Variants in KIFAP3 observed in about 807,000 individuals in gnomAD.
KIFAP3 encodes the protein kinesin associated protein 3, also known as kinesin-associated protein 3.
Under a neutral mutation model 106.5 loss-of-function variants are expected in KIFAP3, and 68 were observed. The ratio of observed to expected loss-of-function variants is 0.64; its 90% CI spans 0.53 to 0.78. The LOEUF is 0.78. KIFAP3 is among the 30% of genes least tolerant of loss of function. The pLI is 0.00. For missense variants in KIFAP3, 780 were observed against 941.8 expected, an observed-to-expected ratio of 0.83 and a Z score of 2.25; for synonymous variants, 320 against 311.5, an observed-to-expected ratio of 1.03 and a Z score of -0.29.
In KIFAP3 at chr1:170,027,250, C is replaced by T. The variant is rs1487459137; in HGVS notation, c.842-2654G>A. ...GGTCAGGCTGGTCTCGAACTCCTGA[C>T]CCCAGGTGATCTGCCTGCCTTGGCC... On this transcript the variant is annotated intron_variant, in intron 8 of 19. Coordinates refer to ENST00000361580, the MANE Select transcript of KIFAP3 (RefSeq NM_014970.4). Among the ~76,000 whole-genome samples, 3 of 152,104 alleles carry T rather than the reference C, an allele frequency of 2.0e-5. No individual in the cohort carries two copies. In the South Asian group the frequency reaches 6.2e-4, roughly 32 times the overall value.
chr1:169,987,233 T>A (rs562386537), intron 11 of KIFAP3, among the ~76,000 whole-genome samples: 11 of 152,216 alleles, frequency 7.2e-5, no homozygotes, highest in South Asian at 4.1e-4. Flanking sequence ...GTTTTAACTA[T>A]GTCCATTGTC....
chr1:170,059,067 G>A (rs1424166332), intron 1 of KIFAP3, among the ~76,000 whole-genome samples: 1 of 152,068 alleles, frequency 6.6e-6, no homozygotes, highest in East Asian at 1.9e-4. Flanking sequence ...AGAGTAAGCA[G>A]GAAAGATCTA....
chr1:170,080,872 T>C (rs928419003), intron 1 of KIFAP3, among the ~76,000 whole-genome samples: 4 of 152,180 alleles, frequency 2.6e-5, no homozygotes, highest in East Asian at 1.9e-4. Flanking sequence ...CACAAAGATC[T>C]ACTGAAATTT....
intron 2 of KIFAP3, among the ~76,000 whole-genome samples, chr1:170,049,400 G>A (rs1340931168): frequency 6.6e-6 from 1 of 152,222 alleles, no homozygotes; most frequent in Non-Finnish European, 1.5e-5. Context: ...AGCTTCAGCA[G>A]ACTTAATCTT....
At chr1:169,946,400 G>C (rs686519) in intron 19 of KIFAP3, among the ~76,000 whole-genome samples, 138,942 of 152,088 alleles carry the variant, frequency 0.91, 63,497 homozygotes, top group East Asian at 0.99. Flanking sequence ...AGTATGTCAT[G>C]TTGCACAACA....
chr1:169,936,723 C>T lies in KIFAP3; in HGVS notation c.2274-14942G>A, dbSNP rs1289170645. Among the ~76,000 whole-genome samples, 4 of 151,592 alleles carry T rather than the reference C, an allele frequency of 2.6e-5. No individual in the cohort carries two copies. The East Asian group carries it at 7.7e-4, about 29-fold the overall frequency. Reference sequence around the variant, plus strand: ...ACTAGAAGTAAGTCAATGAATGACACACTCCACATAGCATGCTCTTTACAA... The same window carrying T: ...ACTAGAAGTAAGTCAATGAATGACATACTCCACATAGCATGCTCTTTACAA... On this transcript the variant is annotated intron_variant, in intron 19 of 19. Coordinates refer to ENST00000361580, the MANE Select transcript of KIFAP3 (RefSeq NM_014970.4).
chr1:170,055,962 T>C (rs1209023288), intron 1 of KIFAP3, among the ~76,000 whole-genome samples: 1 of 152,070 alleles, frequency 6.6e-6, no homozygotes, highest in Non-Finnish European at 1.5e-5. Flanking sequence ...CGAGACTCTG[T>C]TTCTACAAAA....
chr1:169,987,954 G>C (rs181584479), intron 11 of KIFAP3, among the ~76,000 whole-genome samples: 7 of 152,038 alleles, frequency 4.6e-5, no homozygotes, highest in Admixed American at 3.3e-4. Flanking sequence ...TTATCCTCAA[G>C]TATGCCTACC....
At chr1:169,926,776 AT>A (rs1663164801) in intron 19 of KIFAP3, among the ~76,000 whole-genome samples, 1 of 152,042 alleles carries the variant, frequency 6.6e-6, no homozygotes, top group Non-Finnish European at 1.5e-5. Context: ...TAGGAATTCT[AT>A]TCTTCCCAAG....
At chr1:169,926,605 A>AT (rs1159261480) in intron 19 of KIFAP3, among the ~76,000 whole-genome samples, 2 of 151,946 alleles carry the variant, frequency 1.3e-5, no homozygotes, top group African/African-American at 4.8e-5. Context: ...ACATTGAGTT[A>AT]TATATAGTTA....
chr1:170,065,911 G>A (rs540734532), intron 1 of KIFAP3, among the ~76,000 whole-genome samples: 1 of 152,154 alleles, frequency 6.6e-6, no homozygotes, highest in South Asian at 2.1e-4. Context: ...ATCATTTAAT[G>A]CAATGACTGA....
At chr1:169,930,372 A>C (rs1479600744) in intron 19 of KIFAP3, among the ~76,000 whole-genome samples, 1 of 152,194 alleles carries the variant, frequency 6.6e-6, no homozygotes, top group African/African-American at 2.4e-5. Flanking sequence ...ATAAAATGGG[A>C]TTTCCATTAC....
intron 9 of KIFAP3, 65 bp from the exon 10 acceptor site, chr1:170,016,689 T>C (rs1167568687): frequency 1.0e-6 from 1 of 997,842 alleles, no homozygotes; most frequent in Non-Finnish European, 1.4e-6. Flanking sequence ...AAGAATATAA[T>C]TATTTTTTCT....
chr1:169,926,859 T>G (rs757975534), intron 19 of KIFAP3, among the ~76,000 whole-genome samples: 58 of 152,156 alleles, frequency 3.8e-4, no homozygotes, highest in Non-Finnish European at 1.2e-4. Context: ...GTCTTTGTGA[T>G]CCATCAGGTA....
At chr1:170,001,437 T>C (rs148010290) in intron 10 of KIFAP3, among the ~76,000 whole-genome samples, 2,417 of 152,220 alleles carry the variant, frequency 0.016, 30 homozygotes, top group Non-Finnish European at 0.025. Flanking sequence ...GGAGGAAGCA[T>C]AAATTTTACT....
chr1:170,083,388 C>G (rs1672049862), intron 1 of KIFAP3, among the ~76,000 whole-genome samples: 1 of 152,200 alleles, frequency 6.6e-6, no homozygotes, highest in African/African-American at 2.4e-5. Context: ...TCATTCAGCA[C>G]TTGGACTTGC....
intron 2 of KIFAP3, among the ~76,000 whole-genome samples, chr1:170,053,080 A>C (rs1239265993): frequency 6.6e-6 from 1 of 152,232 alleles, no homozygotes; most frequent in African/African-American, 2.4e-5. Context: ...ACATGATTGT[A>C]TATTTAGAAA....
chr1:170,019,533 A>C (rs546569719), intron 9 of KIFAP3, among the ~76,000 whole-genome samples: 1 of 152,168 alleles, frequency 6.6e-6, no homozygotes, highest in East Asian at 1.9e-4. Context: ...AAGTCAATCA[A>C]TGTAACTCAC....
At chr1:169,961,358 T>C (rs939536828) in intron 17 of KIFAP3, 123 bp from the exon 18 acceptor site, 1 of 640,608 alleles carries the variant, frequency 1.6e-6, no homozygotes, top group Non-Finnish European at 2.7e-6. Context: ...GCACTACAAA[T>C]ACCTGTTCAG....
Sources: allele counts gnomAD v4.1 joint callset (sites outside exome capture counted in the v4.1 genomes callset), GRCh38; gene constraint gnomAD v4.1.1; transcripts MANE v1.5; gene names NCBI Gene and HGNC (gene_info 2026-07-23, HGNC 2026-07-21).